The following TTLL4 variants were observed in gnomAD, a reference collection of about 807,000 sequenced individuals.
TTLL4 encodes the protein tubulin tyrosine ligase like 4.
In TTLL4, 85 loss-of-function variants were observed where a neutral mutation model predicts 122.7. The observed-to-expected ratio is 0.69, with a 90% CI of 0.58 to 0.83. TTLL4 has a LOEUF of 0.83. TTLL4 is among the 40% of genes least tolerant of loss of function. TTLL4 has a pLI of 0.00. For synonymous variants in TTLL4, 553 were observed against 563.0 expected (o/e 0.98, Z 0.25); for missense variants, 1,363 against 1,488.6 (o/e 0.92, Z 1.39).
chr2:218,739,630 C>T (rs940867318), intron 3 of TTLL4, among the ~76,000 whole-genome samples: 1 of 152,250 alleles, frequency 6.6e-6, no homozygotes, highest in Non-Finnish European at 1.5e-5. Flanking sequence ...CTTGGCATGA[C>T]AGCCATTTAT....
intron 1 of TTLL4, among the ~76,000 whole-genome samples, chr2:218,726,147 T>C (rs1942186248): frequency 6.6e-6 from 1 of 152,220 alleles, no homozygotes; most frequent in Admixed American, 6.5e-5. Flanking sequence ...TGGGAAAGAC[T>C]ATCTCTCATA....
intron 5 of TTLL4, among the ~76,000 whole-genome samples, chr2:218,741,778 T>C (rs927204253): frequency 6.6e-6 from 1 of 152,182 alleles, no homozygotes; most frequent in Non-Finnish European, 1.5e-5. Context: ...GAGTCCTACC[T>C]TTTTTACACT....
chr2:218,720,096 G>A (rs940099578), intron 1 of TTLL4, among the ~76,000 whole-genome samples: 1 of 152,162 alleles, frequency 6.6e-6, no homozygotes, highest in Non-Finnish European at 1.5e-5. Flanking sequence ...GAAATGGGAC[G>A]ATCAGGAGTG....
intron 2 of TTLL4, among the ~76,000 whole-genome samples, chr2:218,730,487 A>T (rs1273680413): frequency 6.6e-6 from 1 of 151,862 alleles, no homozygotes; most frequent in African/African-American, 2.4e-5. Flanking sequence ...CAGCCTGGGC[A>T]ACAGAGCGAG....
At chr2:218,729,748 T>TAAAAAAAAAAAAAAAA (rs771622464) in intron 2 of TTLL4, among the ~76,000 whole-genome samples, 1 of 78,726 alleles carries the variant, frequency 1.3e-5, no homozygotes, top group African/African-American at 5.2e-5. Context: ...TCTCTCTTTT[T>TAAAAAAAAAAAAAAAA]AAAAAAAAAA....
intron 2 of TTLL4, among the ~76,000 whole-genome samples, chr2:218,735,212 G>C (rs745919272): frequency 2.0e-5 from 3 of 152,026 alleles, no homozygotes; most frequent in Non-Finnish European, 4.4e-5. Flanking sequence ...CTGTTAATCA[G>C]AATACAAGGT....
chr2:218,739,126 G>A lies in TTLL4; in HGVS notation c.1450G>A (p.Glu484Lys), dbSNP rs1942628759. The change falls in exon 3 of 20, where the codon GAG becomes AAG. Residue 484 changes from glutamate to lysine, a missense_variant. By Grantham distance (56) the Glu-to-Lys change is moderately conservative. Coordinates refer to ENST00000392102, the MANE Select transcript of TTLL4 (RefSeq NM_014640.5). ...CCAGTCTGAGAAGGAGAGACCTGAGGAGGCCAGGGAGCTGGACTCATCTGA... is the reference window on the plus strand; with the variant it reads ...CCAGTCTGAGAAGGAGAGACCTGAGAAGGCCAGGGAGCTGGACTCATCTGA... ...LGQSEKERPE[E>K]ARELDSSDRD... 6.2e-7 allele frequency: 1 copy of A among 1,613,966 alleles called. No homozygotes were observed. Among genetic ancestry groups the A allele is most frequent in the Non-Finnish European group, 8.5e-7 (1 of 1,180,036 alleles).
At chr2:218,740,857 G>A (rs1192020405) in intron 5 of TTLL4, among the ~76,000 whole-genome samples, 1 of 151,914 alleles carries the variant, frequency 6.6e-6, no homozygotes, top group East Asian at 1.9e-4. Flanking sequence ...CGGATCTCCT[G>A]AGGTCAGGAG....
Position 218,738,036 on chromosome 2 carries a change from C to T in TTLL4, c.360C>T (p.Arg120=), listed in dbSNP as rs776827335. ...DLFNSTLLYR[R]SSYRQKPYQQ... ...TCAACAGCACCCTGCTATACCGCCG[C>T]TCCAGCTATAGGCAAAAACCGTACC... The change falls in exon 3 of 20, where the codon CGC becomes CGT. Residue 120 remains arginine (R), a synonymous_variant. Coordinates refer to ENST00000392102, the MANE Select transcript of TTLL4 (RefSeq NM_014640.5). 9.3e-6 allele frequency: 15 copies of T among 1,614,062 alleles called. No individual in the cohort carries two copies. The Admixed American group carries it at 2.3e-4, about 25-fold the overall frequency.
At chr2:218,750,451 A>C (rs1942985889) in intron 15 of TTLL4, among the ~76,000 whole-genome samples, 1 of 152,162 alleles carries the variant, frequency 6.6e-6, no homozygotes, top group South Asian at 2.1e-4. Flanking sequence ...TAAGGCTAGA[A>C]GTTCACAGCT....
In TTLL4 at chr2:218,738,801, G is replaced by A. The variant is rs1942614278; in HGVS notation, c.1125G>A (p.Arg375=). The change falls in exon 3 of 20, where the codon AGG becomes AGA. Residue 375 remains arginine, a synonymous_variant. Coordinates refer to ENST00000392102, the MANE Select transcript of TTLL4 (RefSeq NM_014640.5). ...NPSFQWNVLN[R]SRRWKPPAVN... Reference sequence around the variant, plus strand: ...GCTTCCAGTGGAATGTCCTCAACAGGAGCAGGCGGTGGAAACCTCCTGCGG... The same window carrying A: ...GCTTCCAGTGGAATGTCCTCAACAGAAGCAGGCGGTGGAAACCTCCTGCGG... The A allele has an allele frequency of 6.2e-7, 1 of 1,614,044 alleles. No individual in the cohort carries two copies. Among genetic ancestry groups the A allele is most frequent in the African/African-American group, 1.3e-5 (1 of 74,914 alleles).
At chr2:218,748,034 G>C in intron 11 of TTLL4, 71 bp from the exon 12 acceptor site, 2 of 1,590,656 alleles carry the variant, frequency 1.3e-6, no homozygotes, top group Non-Finnish European at 1.7e-6. Flanking sequence ...CAGGATTTGG[G>C]GAAATGTTTG....
rs1943116763 is a variant in TTLL4 at position 218,754,708 on chromosome 2, G to A, written c.*319G>A. On this transcript the variant is annotated 3_prime_UTR_variant, in exon 20 of 20. Coordinates refer to ENST00000392102, the MANE Select transcript of TTLL4 (RefSeq NM_014640.5). ...TTCTACCTTAAGTGAGCCATGTGTGGTTTGTCTGGGGGCCCTGGTGTGGTT... is the reference window on the plus strand; with the variant it reads ...TTCTACCTTAAGTGAGCCATGTGTGATTTGTCTGGGGGCCCTGGTGTGGTT... 1.0e-5 allele frequency: 4 copies of A among 382,120 alleles called. No homozygotes were observed. The highest frequency in any genetic ancestry group is 7.2e-4 in the Middle Eastern group (1 of 1,392). The allele number at this position is 382,120 out of a possible 1,614,324, so 23.7% of individuals were successfully genotyped here. A position where few individuals can be genotyped will look rare whatever the true frequency, so the allele number is the denominator to read the frequency against.
chr2:218,737,189 T>G (rs1942547977), intron 2 of TTLL4, among the ~76,000 whole-genome samples: 1 of 152,198 alleles, frequency 6.6e-6, no homozygotes, highest in Admixed American at 6.5e-5. Flanking sequence ...TCAGATTTGC[T>G]TTATTCCTAG....
chr2:218,729,747 T>TAAA (rs1559361797), intron 2 of TTLL4, among the ~76,000 whole-genome samples: 981 of 93,436 alleles, frequency 0.01, 24 homozygotes, highest in African/African-American at 0.056. Flanking sequence ...CTCTCTCTTT[T>TAAA]TAAAAAAAAA....
At chr2:218,730,729 C>G (rs1308650432) in intron 2 of TTLL4, among the ~76,000 whole-genome samples, 1 of 151,816 alleles carries the variant, frequency 6.6e-6, no homozygotes, top group Non-Finnish European at 1.5e-5. Context: ...TCTCCCTGCC[C>G]CAACCTTGGA....
rs761663430 is a variant in TTLL4 at position 218,747,065 on chromosome 2, A to C, written c.2037A>C (p.Ser679=). The C allele has an allele frequency of 1.9e-6, 3 of 1,614,188 alleles. No homozygotes were observed. Among genetic ancestry groups the C allele is most frequent in the South Asian group, 2.2e-5 (2 of 91,086 alleles). ...GRKDRLWRNL[S]RMQSRFGKKE... is the part of the protein sequence containing the mutation. The stretch of plus-strand genomic sequence containing the variant: ...AGGACCGGCTATGGCGGAACCTGTC[A>C]CGTATGCAGAGCCGCTTTGGCAAGA... The change falls in exon 9 of 20, where the codon TCA becomes TCC. Residue 679 remains serine, a synonymous_variant. Transcript: ENST00000392102. The surrounding 1 kb of genome is among the most constrained non-coding windows in gnomAD (Gnocchi z 4.7).
At chr2:218,721,269 G>A (rs1449197448) in intron 1 of TTLL4, among the ~76,000 whole-genome samples, 1 of 152,030 alleles carries the variant, frequency 6.6e-6, no homozygotes, top group Non-Finnish European at 1.5e-5. Context: ...TAAGAGGTGG[G>A]GTTCTGCCAT....
intron 15 of TTLL4, among the ~76,000 whole-genome samples, chr2:218,751,001 T>A (rs2106460355): frequency 6.6e-6 from 1 of 152,344 alleles, no homozygotes; most frequent in African/African-American, 2.4e-5. Context: ...CCTGTAAGGT[T>A]AGTATTTGTA....
Sources: allele counts gnomAD v4.1 joint callset (sites outside exome capture counted in the v4.1 genomes callset), GRCh38; gene constraint gnomAD v4.1.1; non-coding constraint Gnocchi (gnomAD v3.1); transcripts MANE v1.5; gene names NCBI Gene and HGNC (gene_info 2026-07-23, HGNC 2026-07-21).